VPS4B: variants seen among roughly 807,000 people sequenced by gnomAD.
VPS4B encodes the protein vacuolar protein sorting-associated protein 4B.
VPS4B carries 23 observed loss-of-function variants against 56.1 expected under a neutral mutation model. The ratio of observed to expected loss-of-function variants is 0.41; its 90% CI spans 0.30 to 0.58. The LOEUF (loss-of-function observed/expected upper bound fraction) is 0.58. VPS4B is among the 20% of genes least tolerant of loss of function. The probability of loss-of-function intolerance (pLI) is 0.29; values close to 1 mark genes in which losing one functional copy is unlikely to be tolerated. For synonymous variants in VPS4B, 177 were observed against 186.0 expected (o/e 0.95, Z 0.39); for missense variants, 372 against 531.9 (o/e 0.70, Z 2.96).
At chr18:63,409,895 A>G (rs373594260) in intron 3 of VPS4B, among the ~76,000 whole-genome samples, 4 of 152,346 alleles carry the variant, frequency 2.6e-5, no homozygotes, top group South Asian at 2.1e-4. Context: ...ATGGCCAGAG[A>G]GTAACTGAGT....
chr18:63,397,013 G>A (rs1038330753), intron 9 of VPS4B, 21 bp downstream of exon 9: 11 of 1,591,810 alleles, frequency 6.9e-6, no homozygotes, highest in Admixed American at 1.7e-5. Flanking sequence ...AGATAGGAAA[G>A]GATAGATAAA....
chr18:63,397,719 A>G (rs912915829), intron 8 of VPS4B, among the ~76,000 whole-genome samples: 1 of 152,244 alleles, frequency 6.6e-6, no homozygotes, highest in African/African-American at 2.4e-5. Context: ...ATCCTATATT[A>G]TAAAGAATAA....
At chr18:63,420,984 G>A (rs1916284017) in intron 1 of VPS4B, among the ~76,000 whole-genome samples, 1 of 148,410 alleles carries the variant, frequency 6.7e-6, no homozygotes, top group Non-Finnish European at 1.5e-5. Context: ...GTTGTAGTGA[G>A]CTGAAATCAC....
Position 63,400,694 on chromosome 18 carries a change from G to T in VPS4B, c.494C>A (p.Thr165Lys). The stretch of plus-strand genomic sequence containing the variant: ...AAATAATAGGATTCCCCTCCAAGGT[G>T]TTCTCTTGCCTAAAATTTAGATTTA... The part of the protein sequence containing the change: ...KFPHLFTGKR[T>K]PWRGILLFGP... The change falls in exon 6 of 11, where the codon ACA (threonine) becomes AAA (lysine). Residue 165 changes from threonine (T) to lysine (K), a missense_variant. Physicochemically the swap from Thr to Lys is moderately conservative, Grantham distance 78 (BLOSUM62 -1). Transcript: ENST00000238497. 6.3e-7 allele frequency: 1 copy of T among 1,598,676 alleles called. No homozygotes were observed. The highest frequency in any genetic ancestry group is 8.5e-7 in the Non-Finnish European group (1 of 1,176,498).
intron 8 of VPS4B, 148 bp downstream of exon 8, chr18:63,399,094 C>T (rs1215455218): frequency 6.7e-6 from 4 of 595,032 alleles, no homozygotes; most frequent in East Asian, 3.0e-5. Context: ...CACCCTTCTC[C>T]CACTCAAGGC....
At chr18:63,399,961 G>A in intron 7 of VPS4B, 87 bp downstream of exon 7, 2 of 1,290,260 alleles carry the variant, frequency 1.6e-6, no homozygotes, top group African/African-American at 3.0e-5. Context: ...GGAGGTTGTA[G>A]TGAGCTGAGA....
chr18:63,403,960 T>C (rs1012176891), intron 4 of VPS4B, 134 bp from the exon 5 acceptor site: 10 of 1,013,260 alleles, frequency 9.9e-6, no homozygotes, highest in African/African-American at 1.6e-5. Flanking sequence ...CTTTTTGAAA[T>C]AGCGTGAGCA....
At position 63,400,553 on chromosome 18, in the gene VPS4B, C is replaced by CT. The variant is rs1210432335; in HGVS notation, c.634dup (p.Ser212LysfsTer2). 6.2e-7 allele frequency: 1 copy of CT among 1,606,346 alleles called. No homozygotes were observed. Among genetic ancestry groups the CT allele is most frequent in the Non-Finnish European group, 8.5e-7 (1 of 1,178,352 alleles). On this transcript the variant is annotated frameshift_variant, in exon 6 of 11. Transcript: ENST00000238497. LOFTEE classifies it high-confidence loss of function. ...AAATTGATTTACTACTTACTTTTCA[C>CT]TTTCACCTAGCCACTTAGAAACAAG...
intron 7 of VPS4B, 42 bp from the exon 8 acceptor site, chr18:63,399,365 G>A: frequency 1.9e-6 from 3 of 1,570,124 alleles, no homozygotes; most frequent in Non-Finnish European, 2.6e-6. Context: ...TTGTCATTTT[G>A]GTGTTCTTTA....
intron 10 of VPS4B, among the ~76,000 whole-genome samples, chr18:63,392,187 CTGACAGAAAATTT>C (rs1294280994): frequency 6.6e-6 from 1 of 152,140 alleles, no homozygotes; most frequent in Non-Finnish European, 1.5e-5. Flanking sequence ...AGATCTGAAA[CTGACAGAAAATTT>C]TGAAAACTGA....
At chr18:63,403,929 A>G (rs1915864216) in intron 4 of VPS4B, 103 bp from the exon 5 acceptor site, 2 of 1,348,530 alleles carry the variant, frequency 1.5e-6, no homozygotes, top group African/African-American at 1.5e-5. Flanking sequence ...TAAAATTGGG[A>G]AAGTTTTATG....
chr18:63,417,645 G>A (rs1428862669), intron 1 of VPS4B, among the ~76,000 whole-genome samples: 2 of 152,066 alleles, frequency 1.3e-5, no homozygotes, highest in Non-Finnish European at 2.9e-5. Flanking sequence ...GCATGTGTGT[G>A]TCTGAGCATG....
At chr18:63,400,378 T>A (rs904107925) in intron 6 of VPS4B, among the ~76,000 whole-genome samples, 169 bp downstream of exon 6, 10 of 152,220 alleles carry the variant, frequency 6.6e-5, no homozygotes, top group African/African-American at 2.4e-4. Context: ...ATATATGCTA[T>A]CTTTTCCCAC....
chr18:63,422,274 G>T lies in VPS4B; in HGVS notation c.-15C>A. On this transcript the variant is annotated 5_prime_UTR_variant, in exon 1 of 11. Transcript: ENST00000238497. ...GTGGATGACATGGCGGAGTTCCCAG[G>T]CGGTTCCCAAGGGAACGAGGGGCGA... 6.6e-7 allele frequency: 1 copy of T among 1,506,048 alleles called. No individual in the cohort carries two copies. The highest frequency in any genetic ancestry group is 2.3e-5 in the Admixed American group (1 of 43,582). The allele number at this position is 1,506,048 out of a possible 1,614,324, so 93.3% of individuals were successfully genotyped here.
At position 63,410,311 on chromosome 18, in the gene VPS4B, G is replaced by A. The variant is rs560222347; in HGVS notation, c.275C>T (p.Pro92Leu). The part of the protein sequence containing the change: ...KAQKPVKEGQ[P>L]SPADEKGNDS... ...GTACCCCTTCTCATCTGCTGGACTC[G>A]GCTGTCCTTCTTTCACTGGCTTCTG... The change falls in exon 3 of 11, where the codon CCG becomes CTG. Residue 92 changes from proline (P) to leucine (L), a missense_variant. By Grantham distance (98) the Pro-to-Leu change is moderately conservative. Around this residue, in one of 3 missense-constraint regions of VPS4B, gnomAD observed 153 missense variants for 190.3 expected, o/e 0.80. Coordinates refer to ENST00000238497, the MANE Select transcript of VPS4B (RefSeq NM_004869.4). 29 of 1,613,906 alleles carry A rather than the reference G, an allele frequency of 1.8e-5. No homozygotes were observed. Among genetic ancestry groups the A allele is most frequent in the East Asian group, 1.3e-4 (6 of 44,884 alleles).
At chr18:63,400,225 C>T (rs774112547) in intron 6 of VPS4B, 29 bp from the exon 7 acceptor site, 2 of 1,563,904 alleles carry the variant, frequency 1.3e-6, no homozygotes, top group South Asian at 1.2e-5. Context: ...TTTTAAGTCT[C>T]TAAAAAATAG....
At chr18:63,420,253 C>T (rs993638480) in intron 1 of VPS4B, among the ~76,000 whole-genome samples, 1 of 152,008 alleles carries the variant, frequency 6.6e-6, no homozygotes, top group African/African-American at 2.4e-5. Context: ...TCAAGACCAG[C>T]GTGGCCAACA....
intron 7 of VPS4B, among the ~76,000 whole-genome samples, 156 bp downstream of exon 7, chr18:63,399,892 G>A (rs2088449949): frequency 1.3e-5 from 2 of 152,028 alleles, no homozygotes; most frequent in South Asian, 2.1e-4. Flanking sequence ...GGTGGTGCGC[G>A]CCTGTAATCC....
At chr18:63,395,941 C>T (rs1568083716) in intron 9 of VPS4B, among the ~76,000 whole-genome samples, 1 of 152,202 alleles carries the variant, frequency 6.6e-6, no homozygotes, top group Admixed American at 6.5e-5. Flanking sequence ...TTAGCACCTA[C>T]GTCCAAGACT....
Sources: allele counts gnomAD v4.1 joint callset (sites outside exome capture counted in the v4.1 genomes callset), GRCh38; gene constraint gnomAD v4.1.1; regional missense constraint gnomAD v4.1.1; transcripts MANE v1.5; gene names NCBI Gene and HGNC (gene_info 2026-07-23, HGNC 2026-07-21).